Variants in ACSS1 observed in about 807,000 individuals in gnomAD.
ACSS1 encodes acyl-CoA synthetase short chain family member 1.
ACSS1 carries 42 observed loss-of-function variants against 75.3 expected under a neutral mutation model. The ratio of observed to expected loss-of-function variants is 0.56; its 90% CI spans 0.44 to 0.72. ACSS1 has a LOEUF of 0.72. Ranked by LOEUF, ACSS1 falls within the 30% of genes least tolerant of loss-of-function variation. The pLI is 0.00. For synonymous variants in ACSS1, 380 were observed against 376.8 expected, an observed-to-expected ratio of 1.01 and a Z score of -0.10; for missense variants, 782 against 935.7, an observed-to-expected ratio of 0.84 and a Z score of 2.14.
At chr20:25,045,290 C>G (rs2089067761) in intron 2 of ACSS1, among the ~76,000 whole-genome samples, 1 of 152,166 alleles carries the variant, frequency 6.6e-6, no homozygotes, top group Non-Finnish European at 1.5e-5. Flanking sequence ...GAACGGGCCT[C>G]TTTCTGCTGA....
intron 2 of ACSS1, among the ~76,000 whole-genome samples, chr20:25,044,693 G>C (rs6083726): frequency 0.18 from 27,247 of 152,214 alleles, 3,243 homozygotes; most frequent in African/African-American, 0.33. Flanking sequence ...AGCCACTGCC[G>C]TCCCAGAGTG....
chr20:25,048,451 C>A (rs1446022358), intron 1 of ACSS1, among the ~76,000 whole-genome samples: 1 of 152,198 alleles, frequency 6.6e-6, no homozygotes, highest in Non-Finnish European at 1.5e-5. Context: ...ATATTGGCAT[C>A]TCCTGGGCCA....
chr20:25,032,352 G>T, intron 2 of ACSS1: 1 of 1,343,320 alleles, frequency 7.4e-7, no homozygotes, highest in East Asian at 2.8e-5. Context: ...GGGAGCAGGC[G>T]AGAGCCGCCA....
chr20:25,009,355 G>C lies in ACSS1; in HGVS notation c.1805C>G (p.Ala602Gly), dbSNP rs540694076. 6.2e-7 allele frequency: 1 copy of C among 1,614,156 alleles called. No individual in the cohort carries two copies. The highest frequency in any genetic ancestry group is 8.5e-7 in the Non-Finnish European group (1 of 1,180,026). ...CTGCACCACCACATCTGAGTCACCC[G>C]CACTATCTTTCACCACAATGAAGGC... ...AFAFIVVKDS[A>G]GDSDVVVQEL... The change falls in exon 13 of 14, where the codon GCG becomes GGG. Residue 602 changes from alanine (A) to glycine (G), a missense_variant. Transcript: ENST00000323482.
chr20:25,046,395 C>T (rs1285300232), intron 2 of ACSS1: 1 of 203,072 alleles, frequency 4.9e-6, no homozygotes, highest in African/African-American at 2.3e-5. Flanking sequence ...GGGCTCCAGC[C>T]CCGCTCACAG....
intron 13 of ACSS1, 89 bp downstream of exon 13, chr20:25,009,181 A>G (rs967181448): frequency 5.1e-6 from 6 of 1,165,620 alleles, no homozygotes; most frequent in Non-Finnish European, 7.6e-6. Context: ...TAATTGGAAA[A>G]GAGTAATATG....
chr20:25,012,049 C>T (rs2088418095), intron 12 of ACSS1: 2 of 154,178 alleles, frequency 1.3e-5, no homozygotes, highest in Admixed American at 1.3e-4. Context: ...CAAAGCGTGG[C>T]CTTGGTAAAG....
At position 25,007,378 on chromosome 20, in the gene ACSS1, T is replaced by C. The variant is rs796095814; in HGVS notation, c.*384A>G. 1 of 1,100,038 alleles carries C rather than the reference T, an allele frequency of 9.1e-7. No individual in the cohort carries two copies. The highest frequency in any genetic ancestry group is 1.6e-5 in the African/African-American group (1 of 61,430). The allele number at this position is 1,100,038 out of a possible 1,614,324, so 68.1% of individuals were successfully genotyped here. On this transcript the variant is annotated 3_prime_UTR_variant, in exon 14 of 14. Transcript: ENST00000323482. ...TCTGACCTTTGTATCTAGACAGATC[T>C]GGAGAAAACACGGTTGCTACTAGCT...
chr20:25,030,219 T>C (rs1164303159), intron 3 of ACSS1, among the ~76,000 whole-genome samples: 1 of 152,162 alleles, frequency 6.6e-6, no homozygotes, highest in Non-Finnish European at 1.5e-5. Context: ...TGCATGGACA[T>C]AGGGCCACCA....
chr20:25,013,237 T>C (rs989577233), intron 10 of ACSS1, among the ~76,000 whole-genome samples: 13 of 152,132 alleles, frequency 8.5e-5, no homozygotes, highest in African/African-American at 3.1e-4. Flanking sequence ...GGAAGAAAAC[T>C]CCCAGCCGTA....
intron 3 of ACSS1, among the ~76,000 whole-genome samples, chr20:25,024,499 C>T (rs538497703): frequency 2.0e-5 from 3 of 152,350 alleles, no homozygotes; most frequent in African/African-American, 7.2e-5. Flanking sequence ...TCACCCACAT[C>T]CCTTGGGCCT....
intron 1 of ACSS1, among the ~76,000 whole-genome samples, chr20:25,055,801 G>A (rs1053008313): frequency 1.3e-5 from 2 of 152,196 alleles, no homozygotes; most frequent in African/African-American, 4.8e-5. Context: ...ATCACACACA[G>A]CTGACAGATC....
chr20:25,022,659 G>A (rs550764131), intron 5 of ACSS1, among the ~76,000 whole-genome samples: 1 of 152,254 alleles, frequency 6.6e-6, no homozygotes, highest in Non-Finnish European at 1.5e-5. Context: ...TCTAAAAAGA[G>A]TTTTTAAAAA....
chr20:25,007,996 A>G, intron 13 of ACSS1, 55 bp from the exon 14 acceptor site: 5 of 1,579,256 alleles, frequency 3.2e-6, no homozygotes, highest in South Asian at 2.3e-5. Context: ...CCTCTGTGCT[A>G]GCGTGGACTG....
chr20:25,055,825 C>T (rs2089233675), intron 1 of ACSS1, among the ~76,000 whole-genome samples: 1 of 152,162 alleles, frequency 6.6e-6, no homozygotes. Context: ...CCAAAGTGTT[C>T]TCATCCATCC....
chr20:25,012,704 C>T, intron 11 of ACSS1, 40 bp from the exon 12 acceptor site: 1 of 1,614,014 alleles, frequency 6.2e-7, no homozygotes, highest in South Asian at 1.1e-5. Context: ...ATGTGGCGGC[C>T]CCGGGTGCTA....
chr20:25,021,590 C>T, intron 5 of ACSS1, 54 bp from the exon 6 acceptor site: 2 of 1,585,584 alleles, frequency 1.3e-6, no homozygotes, highest in South Asian at 2.3e-5. Context: ...CCACCATGTT[C>T]ACACCAGGTC....
At chr20:25,035,148 G>A (rs1234044781) in intron 2 of ACSS1, among the ~76,000 whole-genome samples, 2 of 152,006 alleles carry the variant, frequency 1.3e-5, no homozygotes, top group East Asian at 3.9e-4. Flanking sequence ...ACCTGCCTTG[G>A]CCTCCCGAAG....
In ACSS1 at chr20:25,014,066, A is replaced by G; in HGVS notation, c.1347T>C (p.Gly449=). ...AGGGCCGTGGTGCGATGCAGATGCC[A>G]CCTGTTTCTGCAGGTATGACAAGAA... ...LVDTWWQTET[G]GICIAPRPSE... Residue 449 remains glycine, a synonymous_variant, in exon 9 of 14, where the codon GGT becomes GGC. Coordinates refer to ENST00000323482, the MANE Select transcript of ACSS1 (RefSeq NM_032501.4). 6.2e-7 allele frequency: 1 copy of G among 1,607,688 alleles called. No individual in the cohort carries two copies. Among genetic ancestry groups the G allele is most frequent in the African/African-American group, 1.3e-5 (1 of 74,982 alleles).
Sources: allele counts gnomAD v4.1 joint callset (sites outside exome capture counted in the v4.1 genomes callset), GRCh38; gene constraint gnomAD v4.1.1; transcripts MANE v1.5; gene names NCBI Gene and HGNC (gene_info 2026-07-23, HGNC 2026-07-21).